SPOCK3: variants seen among roughly 807,000 people sequenced by gnomAD.
SPOCK3 encodes the protein SPARC (osteonectin), cwcv and kazal like domains proteoglycan 3, also known as testican-3.
In SPOCK3, 30 loss-of-function variants were observed where a neutral mutation model predicts 56.6. The ratio of observed to expected loss-of-function variants is 0.53; its 90% CI spans 0.40 to 0.72. SPOCK3 has a LOEUF of 0.72. Among genes scored for constraint, SPOCK3 ranks in the 30% least tolerant of loss-of-function variants. The pLI is 0.00. For synonymous variants in SPOCK3, 196 were observed against 183.3 expected (o/e 1.07, Z -0.56); for missense variants, 527 against 530.0 (o/e 0.99, Z 0.06).
intron 2 of SPOCK3, among the ~76,000 whole-genome samples, chr4:167,182,622 C>T (rs1470567366): frequency 6.6e-6 from 1 of 151,960 alleles, no homozygotes; most frequent in African/African-American, 2.4e-5. Context: ...TTACTGCAAC[C>T]CCTGCCTCCT....
chr4:166,931,836 G>C (rs1739820617), intron 4 of SPOCK3, among the ~76,000 whole-genome samples: 1 of 152,104 alleles, frequency 6.6e-6, no homozygotes, highest in South Asian at 2.1e-4. Flanking sequence ...ATCTCAATAG[G>C]CATTAGGCAG....
At chr4:166,861,585 G>A (rs1223855460) in intron 6 of SPOCK3, among the ~76,000 whole-genome samples, 1 of 152,068 alleles carries the variant, frequency 6.6e-6, no homozygotes, top group African/African-American at 2.4e-5. Flanking sequence ...CCTTTGTAGT[G>A]TGCAGGATCC....
chr4:167,111,287 C>A (rs558409285), intron 2 of SPOCK3, among the ~76,000 whole-genome samples: 1 of 151,910 alleles, frequency 6.6e-6, no homozygotes, highest in Non-Finnish European at 1.5e-5. Flanking sequence ...ACAAAGCCCG[C>A]GGACTCAAGA....
chr4:167,145,308 C>G (rs541075477), intron 2 of SPOCK3, among the ~76,000 whole-genome samples: 2 of 152,150 alleles, frequency 1.3e-5, no homozygotes, highest in African/African-American at 4.8e-5. Context: ...GACATATGAA[C>G]TTGAAGAAAC....
intron 2 of SPOCK3, among the ~76,000 whole-genome samples, chr4:167,158,938 C>T (rs1462428387): frequency 6.6e-6 from 1 of 151,858 alleles, no homozygotes; most frequent in African/African-American, 2.4e-5. Flanking sequence ...AGAAGGAAGG[C>T]AGAGCTAGTT....
rs1402041024 is a variant in SPOCK3, at chr4:166,919,862, ATT to A, written c.351-7121_351-7120del. Among the ~76,000 whole-genome samples the A allele has an allele frequency of 3.3e-5, 5 of 152,228 alleles. No individual in the cohort carries two copies. In the South Asian group the frequency reaches 1.0e-3, roughly 32 times the overall value. On this transcript the variant is annotated intron_variant, in intron 4 of 10. Coordinates refer to ENST00000357545, the MANE Select transcript of SPOCK3 (RefSeq NM_001040159.2). ...TCATTGAAAGAAGTGTTAGAAAGTT[ATT>A]TTTTCTTTTAAATCAGTATAATATT... is the stretch of plus-strand genomic sequence containing the variant.
chr4:167,190,267 C>T lies in SPOCK3; in HGVS notation c.189+43718G>A, dbSNP rs1732366435. 2.1e-5 allele frequency among the ~76,000 whole-genome samples: 3 copies of T among 145,430 alleles called. 1 individual carries two copies. The Admixed American group carries it at 2.1e-4, about 10-fold the overall frequency. On this transcript the variant is annotated intron_variant, in intron 2 of 10. Transcript: ENST00000357545. ...TGTATAAGGCTTCCCTTTTTGACAC[C>T]CTCACCAACATTCATCTCTGATCTT...
rs143327297 is a variant in SPOCK3, at chr4:167,028,404, CAA to C, written c.236-27943_236-27942del. Among the ~76,000 whole-genome samples, 203 of 105,210 alleles carry C rather than the reference CAA, an allele frequency of 1.9e-3. 2 individuals are homozygous for C. The highest frequency in any genetic ancestry group is 4.3e-3 in the African/African-American group (92 of 21,522). 69.0% of individuals were successfully genotyped at this position (105,210 alleles called of 152,430 possible). On this transcript the variant is annotated intron_variant, in intron 3 of 10. Coordinates refer to ENST00000357545, the MANE Select transcript of SPOCK3 (RefSeq NM_001040159.2). ...ACAACAACAACAACAACAACAACAA[CAA>C]AAGAATAATCCTGCATGTGTACTAT...
intron 2 of SPOCK3, among the ~76,000 whole-genome samples, chr4:167,187,679 G>A (rs1467357779): frequency 1.3e-5 from 2 of 151,662 alleles, no homozygotes; most frequent in Non-Finnish European, 2.9e-5. Context: ...AAAATCTTTT[G>A]ATTAGGAACT....
At chr4:167,026,044 G>A (rs759425998) in intron 3 of SPOCK3, among the ~76,000 whole-genome samples, 3 of 152,048 alleles carry the variant, frequency 2.0e-5, no homozygotes, top group Non-Finnish European at 4.4e-5. Context: ...ACACTGCCAC[G>A]TTACCATGGC....
At chr4:167,045,469 T>G (rs1753631259) in intron 3 of SPOCK3, among the ~76,000 whole-genome samples, 1 of 152,072 alleles carries the variant, frequency 6.6e-6, no homozygotes, top group Non-Finnish European at 1.5e-5. Flanking sequence ...TTGTTTCTAT[T>G]TTCTTTCATT....
intron 6 of SPOCK3, among the ~76,000 whole-genome samples, chr4:166,865,081 CA>C (rs1233306840): frequency 6.6e-6 from 1 of 152,118 alleles, no homozygotes; most frequent in Non-Finnish European, 1.5e-5. Flanking sequence ...AAAGCTTATC[CA>C]CCACAACCAA....
chr4:166,871,864 C>G (rs1457107168), intron 6 of SPOCK3, among the ~76,000 whole-genome samples: 1 of 150,582 alleles, frequency 6.6e-6, no homozygotes, highest in Non-Finnish European at 1.5e-5. Flanking sequence ...AAGAAGTAAG[C>G]CTGGTTCAGC....
At chr4:166,954,960 C>G (rs910635637) in intron 4 of SPOCK3, among the ~76,000 whole-genome samples, 7 of 152,092 alleles carry the variant, frequency 4.6e-5, no homozygotes, top group Non-Finnish European at 1.0e-4. Flanking sequence ...CTTTCTGAGA[C>G]TCATCATTGT....
intron 2 of SPOCK3, among the ~76,000 whole-genome samples, chr4:167,101,736 G>A (rs1291065980): frequency 1.1e-4 from 13 of 113,740 alleles, no homozygotes; most frequent in African/African-American, 3.3e-4. Flanking sequence ...TTTTTTTTGA[G>A]ACAGAGTCTT....
chr4:167,088,287 T>G (rs1239062721), intron 2 of SPOCK3, among the ~76,000 whole-genome samples: 1 of 152,054 alleles, frequency 6.6e-6, no homozygotes, highest in Non-Finnish European at 1.5e-5. Context: ...GCATTTCTGA[T>G]AAGGTTTCAG....
chr4:167,035,647 G>T (rs1045630987), intron 3 of SPOCK3, among the ~76,000 whole-genome samples: 22 of 152,148 alleles, frequency 1.4e-4, no homozygotes, highest in Non-Finnish European at 2.9e-4. Context: ...AATTTTCACA[G>T]TTCTGGTAAT....
intron 2 of SPOCK3, among the ~76,000 whole-genome samples, chr4:167,089,560 T>A (rs1233578268): frequency 6.6e-6 from 1 of 152,148 alleles, no homozygotes; most frequent in Admixed American, 6.5e-5. Flanking sequence ...AATACACATA[T>A]CCAGTATATT....
chr4:166,766,395 G>A (rs1359097890), intron 7 of SPOCK3, among the ~76,000 whole-genome samples: 1 of 152,186 alleles, frequency 6.6e-6, no homozygotes, highest in Non-Finnish European at 1.5e-5. Flanking sequence ...TTTTTAGCAT[G>A]AAGGGCTGTC....
Sources: gnomAD v4.1 joint callset for allele counts (sites outside exome capture counted in the v4.1 genomes callset) on GRCh38, gnomAD v4.1.1 for gene constraint, MANE v1.5 for transcripts, NCBI Gene and HGNC (gene_info 2026-07-23, HGNC 2026-07-21) for gene names.